The following RABEP2 variants were observed in gnomAD, a reference collection of about 807,000 sequenced individuals.
RABEP2 encodes rab GTPase-binding effector protein 2.
Under a neutral mutation model 74.1 loss-of-function variants are expected in RABEP2, and 57 were observed. That is an observed-to-expected ratio of 0.77 (90% CI 0.62 to 0.96). The LOEUF is 0.96. RABEP2 is among the 40% of genes least tolerant of loss of function. The probability of loss-of-function intolerance (pLI) is 0.00; values close to 1 mark genes in which losing one functional copy is unlikely to be tolerated. For synonymous variants in RABEP2, 351 were observed against 344.0 expected (o/e 1.02, Z -0.23); for missense variants, 692 against 756.3 (o/e 0.91, Z 1.00).
intron 12 of RABEP2, 51 bp downstream of exon 12, chr16:28,905,346 G>A: frequency 3.0e-6 from 4 of 1,342,924 alleles, no homozygotes; most frequent in Non-Finnish European, 4.2e-6. Flanking sequence ...ACCCAGGAGA[G>A]GTCACCCGGA....
rs1177865079 is a variant in RABEP2 at position 28,905,758 on chromosome 16, G to A, written c.1437C>T (p.Ala479=). 6 of 1,613,898 alleles carry A rather than the reference G, an allele frequency of 3.7e-6. No homozygotes were observed. The highest frequency in any genetic ancestry group is 4.2e-6 in the Non-Finnish European group (5 of 1,179,960). Reference sequence around the variant, plus strand: ...TCTCTGTCCTCAGGCTGCACAGGGAGGCTGGGAAGTCAGGGCAGGGGGAGA... The same window carrying A: ...TCTCTGTCCTCAGGCTGCACAGGGAAGCTGGGAAGTCAGGGCAGGGGGAGA... The part of the protein sequence containing the change: ...VQREETEVLE[A]SLCSLRTEME... The change falls in exon 11 of 13, where the codon GCC becomes GCT. Residue 479 remains alanine (A), a splice_region_variant and synonymous_variant. Transcript: ENST00000358201.
At chr16:28,919,520 T>C (rs528865766) in intron 3 of RABEP2, among the ~76,000 whole-genome samples, 16 of 152,358 alleles carry the variant, frequency 1.1e-4, no homozygotes, top group Non-Finnish European at 2.1e-4. Flanking sequence ...TAAGAATTTT[T>C]TTTGTTACCC....
Position 28,905,712 on chromosome 16 carries a change from G to C in RABEP2, c.1483C>G (p.Gln495Glu). 1 of 1,613,842 alleles carries C rather than the reference G, an allele frequency of 6.2e-7. No homozygotes were observed. Among genetic ancestry groups the C allele is most frequent in the Non-Finnish European group, 8.5e-7 (1 of 1,179,898 alleles). The change falls in exon 11 of 13, where the codon CAG becomes GAG. Residue 495 changes from glutamine (Q) to glutamate (E), a missense_variant. By Grantham distance (29) the Gln-to-Glu change is conservative. Coordinates refer to ENST00000358201, the MANE Select transcript of RABEP2 (RefSeq NM_024816.3). ...CCTGCCCTCCCCCTCACCTTGCTCT[G>C]TTCCTGCTGCACCCGCTCCATCTCT... ...RTEMERVQQEQSKAQLPDLLS... is the reference protein window; with the variant it reads ...RTEMERVQQEESKAQLPDLLS...
chr16:28,904,688 C>T lies in RABEP2; in HGVS notation c.*255G>A, dbSNP rs1395460380. 65 of 656,192 alleles carry T rather than the reference C, an allele frequency of 9.9e-5. No homozygotes were observed. The highest frequency in any genetic ancestry group is 1.4e-4 in the Non-Finnish European group (58 of 405,018). 40.6% of individuals were successfully genotyped at this position (656,192 alleles called of 1,614,324 possible). Reference sequence around the variant, plus strand: ...GGAGGCAGCACAGCAGCCAGAAAGCCGCAGGCCTGAGCCTGCACCTTTGGT... The same window carrying T: ...GGAGGCAGCACAGCAGCCAGAAAGCTGCAGGCCTGAGCCTGCACCTTTGGT... On this transcript the variant is annotated 3_prime_UTR_variant, in exon 13 of 13. Transcript: ENST00000358201.
intron 7 of RABEP2, among the ~76,000 whole-genome samples, chr16:28,909,009 ATATATAT>A: frequency 6.7e-6 from 1 of 149,072 alleles, no homozygotes; most frequent in Middle Eastern, 3.5e-3. Flanking sequence ...CTATATATAT[ATATATAT>A]ATATATACAC....
rs779391386 is a variant in RABEP2 at position 28,914,405 on chromosome 16, C to G, written c.725G>C (p.Gly242Ala). The change falls in exon 5 of 13, where the codon GGG (glycine) becomes GCG (alanine). Residue 242 changes from glycine to alanine, a missense_variant. Physicochemically the swap from Gly to Ala is moderately conservative, Grantham distance 60. Coordinates refer to ENST00000358201, the MANE Select transcript of RABEP2 (RefSeq NM_024816.3). Reference protein sequence around the residue: ...ASISSFSLGGGVGSSSSLPQS... With the variant: ...ASISSFSLGGAVGSSSSLPQS... The stretch of plus-strand genomic sequence containing the variant: ...GGGCAGGGAGGAGCTGCTGCCGACC[C>G]CACCGCCAAGGGAGAAGGAGGAGAT... 6.2e-7 allele frequency: 1 copy of G among 1,613,350 alleles called. No individual in the cohort carries two copies. Among genetic ancestry groups the G allele is most frequent in the Non-Finnish European group, 8.5e-7 (1 of 1,179,980 alleles).
chr16:28,925,217 T>G lies in RABEP2; in HGVS notation c.-54A>C. 6 of 1,500,282 alleles carry G rather than the reference T, an allele frequency of 4.0e-6. No individual in the cohort carries two copies. Among genetic ancestry groups the G allele is most frequent in the Non-Finnish European group, 5.3e-6 (6 of 1,130,536 alleles). The allele number at this position is 1,500,282 out of a possible 1,614,324, so 92.9% of individuals were successfully genotyped here. On this transcript the variant is annotated 5_prime_UTR_variant, in exon 1 of 13. Coordinates refer to ENST00000358201, the MANE Select transcript of RABEP2 (RefSeq NM_024816.3). ...ACTCCCTGGTGACGGAGCGCACCGC[T>G]TCCGGGTCCTCTCGGCTGTTTCCGG...
In RABEP2 at chr16:28,905,525, GAC is replaced by G. The variant is rs761874963; in HGVS notation, c.1492-14_1492-13del. The G allele has an allele frequency of 3.1e-6, 5 of 1,606,988 alleles. No homozygotes were observed. Among genetic ancestry groups the G allele is most frequent in the African/African-American group, 2.7e-5 (2 of 74,738 alleles). ...TCTGGGAGCTGGGCCTGCGGGGACA[GAC>G]ACCACACTGAGCTGGGCCTGGCTCA... On this transcript the variant is annotated splice_polypyrimidine_tract_variant and intron_variant, in intron 11 of 12. Transcript: ENST00000358201.
intron 1 of RABEP2, 128 bp downstream of exon 1, chr16:28,924,972 GCCC>G: frequency 9.1e-7 from 1 of 1,097,212 alleles, no homozygotes; most frequent in Non-Finnish European, 1.3e-6. Context: ...TGTAGGCCCC[GCCC>G]CCTTTCCCGA....
At chr16:28,913,778 CTTTTTTT>C (rs1163826105) in intron 5 of RABEP2, among the ~76,000 whole-genome samples, 3 of 120,470 alleles carry the variant, frequency 2.5e-5, no homozygotes, top group East Asian at 2.3e-4. Flanking sequence ...CACCCGGCCT[CTTTTTTT>C]TTTTTTTTTT....
intron 5 of RABEP2, among the ~76,000 whole-genome samples, chr16:28,911,857 G>C (rs902946747): frequency 1.3e-5 from 2 of 152,112 alleles, no homozygotes; most frequent in African/African-American, 4.8e-5. Context: ...GCTGAGGCAG[G>C]AGAATCGCTT....
At chr16:28,924,166 G>A (rs1964502989) in intron 2 of RABEP2, 3 of 560,608 alleles carry the variant, frequency 5.4e-6, no homozygotes, top group South Asian at 2.1e-5. Context: ...ATGGGACAAG[G>A]CAACAGATAG....
intron 8 of RABEP2, among the ~76,000 whole-genome samples, chr16:28,906,958 C>G (rs1046036414): frequency 1.3e-5 from 2 of 151,744 alleles, no homozygotes; most frequent in Admixed American, 6.6e-5. Context: ...GACTCTGTCT[C>G]AAAAAATAAA....
At chr16:28,920,733 G>A (rs1964459613) in intron 2 of RABEP2, among the ~76,000 whole-genome samples, 1 of 151,862 alleles carries the variant, frequency 6.6e-6, no homozygotes. Flanking sequence ...GGGTACATGT[G>A]CACAACATGC....
chr16:28,909,639 A>T (rs1964283930), intron 7 of RABEP2, among the ~76,000 whole-genome samples: 2 of 152,018 alleles, frequency 1.3e-5, no homozygotes, highest in Non-Finnish European at 2.9e-5. Context: ...GCTTGAGCCC[A>T]GAAAGTTGAG....
At chr16:28,906,378 C>T (rs1964232453) in intron 8 of RABEP2, among the ~76,000 whole-genome samples, 182 bp from the exon 9 acceptor site, 1 of 152,204 alleles carries the variant, frequency 6.6e-6, no homozygotes, top group African/African-American at 2.4e-5. Flanking sequence ...CGCTCCGGCC[C>T]AGGAGAGGAA....
At position 28,904,561 on chromosome 16, in the gene RABEP2, C is replaced by A; in HGVS notation, c.*382G>T. The stretch of plus-strand genomic sequence containing the variant: ...CAGAAGGCAGCTGCCTGTCCCAGGG[C>A]CGGGGCCCACCTCACTGCCTCTGAT... On this transcript the variant is annotated 3_prime_UTR_variant, in exon 13 of 13. Transcript: ENST00000358201. 7.2e-7 allele frequency: 1 copy of A among 1,388,242 alleles called. No homozygotes were observed. Among genetic ancestry groups the A allele is most frequent in the Non-Finnish European group, 9.5e-7 (1 of 1,048,724 alleles). The allele number at this position is 1,388,242 out of a possible 1,614,324, so 86.0% of individuals were successfully genotyped here. A position where few individuals can be genotyped will look rare whatever the true frequency, so the allele number is the denominator to read the frequency against.
intron 1 of RABEP2, 109 bp from the exon 2 acceptor site, chr16:28,924,724 AC>A (rs1275542845): frequency 9.6e-7 from 1 of 1,045,040 alleles, no homozygotes; most frequent in Non-Finnish European, 1.4e-6. Context: ...GGCCTCCTTC[AC>A]CTGGGCCCGC....
chr16:28,912,406 C>CTTTT (rs58094012), intron 5 of RABEP2, among the ~76,000 whole-genome samples: 76 of 118,110 alleles, frequency 6.4e-4, no homozygotes, highest in African/African-American at 7.6e-4. Context: ...TTCTTTCTTT[C>CTTTT]TTTTTTTTTT....
Sources: allele counts gnomAD v4.1 joint callset (sites outside exome capture counted in the v4.1 genomes callset), GRCh38; gene constraint gnomAD v4.1.1; transcripts MANE v1.5; gene names NCBI Gene and HGNC (gene_info 2026-07-23, HGNC 2026-07-21).